PAPOLA: variants seen among roughly 807,000 people sequenced by gnomAD.
The protein encoded by PAPOLA is poly(A) polymerase alpha.
A neutral mutation model predicts 100.6 loss-of-function variants in PAPOLA; 15 were observed. The observed-to-expected ratio is 0.15, with a 90% CI of 0.10 to 0.23. The LOEUF is 0.23. Among genes scored for constraint, PAPOLA ranks in the 10% least tolerant of loss-of-function variants. The pLI, the probability that PAPOLA is intolerant of heterozygous loss-of-function variation, is 1.00. For missense variants in PAPOLA, 533 were observed against 884.2 expected (o/e 0.60, Z 5.04); for synonymous variants, 293 against 300.0 (o/e 0.98, Z 0.24).
At position 96,520,196 on chromosome 14, in the gene PAPOLA, G is replaced by A. The variant is rs372537982; in HGVS notation, c.150G>A (p.Gly50=). 1.2e-6 allele frequency: 2 copies of A among 1,613,422 alleles called. No individual in the cohort carries two copies. Among genetic ancestry groups the A allele is most frequent in the Non-Finnish European group, 1.7e-6 (2 of 1,179,802 alleles). The stretch of plus-strand genomic sequence containing the variant: ...TAATTGAGACATTGAAACCCTTTGG[G>A]GTTTTTGAAGAGGAAGAGGAACTGC... ...QKLIETLKPF[G]VFEEEEELQR... is the part of the protein sequence containing the mutation. Residue 50 remains glycine (G), a synonymous_variant, in exon 2 of 22, where the codon GGG becomes GGA. Transcript: ENST00000216277.
chr14:96,531,506 A>C lies in PAPOLA; in HGVS notation c.527A>C (p.Gln176Pro). 6.2e-7 allele frequency: 1 copy of C among 1,610,886 alleles called. No homozygotes were observed. Among genetic ancestry groups the C allele is most frequent in the Non-Finnish European group, 8.5e-7 (1 of 1,177,766 alleles). ...ATTTTGTTTGCAAGATTAGCACTGC[A>C]GACAATTCCTGAAGATTTGGATCTA... is the stretch of plus-strand genomic sequence containing the variant. ...IDILFARLAL[Q>P]TIPEDLDLRD... The change falls in exon 7 of 22, where the codon CAG (glutamine) becomes CCG (proline). Residue 176 changes from glutamine (Q) to proline (P), a missense_variant. This residue lies in a region of PAPOLA where 33 missense variants were observed against 39.2 expected (regional missense o/e 0.84). Coordinates refer to ENST00000216277, the MANE Select transcript of PAPOLA (RefSeq NM_032632.5).
chr14:96,558,000 C>T (rs765427431), intron 19 of PAPOLA, among the ~76,000 whole-genome samples: 55 of 152,000 alleles, frequency 3.6e-4, no homozygotes, highest in Non-Finnish European at 7.1e-4. Flanking sequence ...TGGTTGAATT[C>T]GCAGATATGG....
In PAPOLA at chr14:96,502,451, G is replaced by C. The variant is rs762085883; in HGVS notation, c.-142G>C. The C allele has an allele frequency of 7.0e-6, 5 of 709,888 alleles. No individual in the cohort carries two copies. Among genetic ancestry groups the C allele is most frequent in the African/African-American group, 1.8e-5 (1 of 55,558 alleles). The allele number at this position is 709,888 out of a possible 1,614,324, so 44.0% of individuals were successfully genotyped here. A position where few individuals can be genotyped will look rare whatever the true frequency, so the allele number is the denominator to read the frequency against. ...GGGAAGGAGGAGAAGCGCTTAAAGC[G>C]GCGGGAGCGGTGCGGGAGAGGGGTT... On this transcript the variant is annotated 5_prime_UTR_variant, in exon 1 of 22. Transcript: ENST00000216277.
intron 16 of PAPOLA, among the ~76,000 whole-genome samples, chr14:96,549,813 T>C (rs1900691245): frequency 6.6e-6 from 1 of 152,202 alleles, no homozygotes; most frequent in South Asian, 2.1e-4. Context: ...TATTAATAGG[T>C]TAAATCAATT....
intron 16 of PAPOLA, 101 bp downstream of exon 16, chr14:96,548,019 A>G: frequency 1.0e-6 from 1 of 993,438 alleles, no homozygotes; most frequent in Non-Finnish European, 1.5e-6. Context: ...AAGTCATTTT[A>G]AATAGATGAC....
At chr14:96,519,036 G>A (rs1897718947) in intron 1 of PAPOLA, among the ~76,000 whole-genome samples, 1 of 152,038 alleles carries the variant, frequency 6.6e-6, no homozygotes, top group Non-Finnish European at 1.5e-5. Flanking sequence ...CAGCCTGGGT[G>A]ACAGAGCGAG....
At chr14:96,510,555 G>GTAA (rs1897045914) in intron 1 of PAPOLA, among the ~76,000 whole-genome samples, 1 of 152,126 alleles carries the variant, frequency 6.6e-6, no homozygotes, top group African/African-American at 2.4e-5. Context: ...GGCCATTGTA[G>GTAA]TAATTGAACA....
chr14:96,552,056 A>G (rs1900886484), intron 16 of PAPOLA, among the ~76,000 whole-genome samples: 1 of 152,164 alleles, frequency 6.6e-6, no homozygotes, highest in Middle Eastern at 3.2e-3. Flanking sequence ...AGAAATCTAT[A>G]TGTAAACAAA....
chr14:96,515,051 A>G (rs1452676291), intron 1 of PAPOLA, among the ~76,000 whole-genome samples: 1 of 152,206 alleles, frequency 6.6e-6, no homozygotes, highest in Non-Finnish European at 1.5e-5. Flanking sequence ...AGTAATATGC[A>G]TGGTGGAACC....
At chr14:96,541,457 G>T (rs1899982717) in intron 12 of PAPOLA, among the ~76,000 whole-genome samples, 1 of 152,126 alleles carries the variant, frequency 6.6e-6, no homozygotes, top group Admixed American at 6.6e-5. Flanking sequence ...TCTAAAATGG[G>T]TACTGTAGAA....
intron 1 of PAPOLA, among the ~76,000 whole-genome samples, chr14:96,509,473 C>T (rs2140228192): frequency 6.6e-6 from 1 of 152,224 alleles, no homozygotes; most frequent in South Asian, 2.1e-4. Flanking sequence ...ATAGTGTATA[C>T]TTGTAGTATA....
At chr14:96,550,623 A>G (rs1453552104) in intron 16 of PAPOLA, among the ~76,000 whole-genome samples, 1 of 152,146 alleles carries the variant, frequency 6.6e-6, no homozygotes, top group African/African-American at 2.4e-5. Flanking sequence ...TAAACTTGCT[A>G]TTTTGTGACC....
At chr14:96,535,857 G>C in intron 10 of PAPOLA, 22 bp from the exon 11 acceptor site, 1 of 1,529,356 alleles carries the variant, frequency 6.5e-7, no homozygotes, top group Non-Finnish European at 8.8e-7. Context: ...TGAAGAAACT[G>C]ATTGGCTGTT....
At chr14:96,534,667 G>A in intron 10 of PAPOLA, 104 bp downstream of exon 10, 1 of 1,579,378 alleles carries the variant, frequency 6.3e-7, no homozygotes, top group Admixed American at 1.8e-5. Context: ...CTTATGAATG[G>A]TCATGTCCGT....
At chr14:96,513,655 T>C (rs535669502) in intron 1 of PAPOLA, among the ~76,000 whole-genome samples, 5 of 152,348 alleles carry the variant, frequency 3.3e-5, no homozygotes, top group African/African-American at 9.6e-5. Context: ...GTTTTTTGTC[T>C]TTCATTCTTA....
chr14:96,505,114 G>A (rs564879555), intron 1 of PAPOLA, among the ~76,000 whole-genome samples: 1 of 152,286 alleles, frequency 6.6e-6, no homozygotes, highest in African/African-American at 2.4e-5. Flanking sequence ...GCTTCTGAAA[G>A]TTTTGATAGT....
chr14:96,503,982 C>G (rs1896531411), intron 1 of PAPOLA, among the ~76,000 whole-genome samples: 1 of 152,128 alleles, frequency 6.6e-6, no homozygotes, highest in South Asian at 2.1e-4. Context: ...GTTTGTTAGA[C>G]TTAACTAACT....
At chr14:96,528,924 G>T (rs562074873) in intron 6 of PAPOLA, among the ~76,000 whole-genome samples, 2 of 152,078 alleles carry the variant, frequency 1.3e-5, no homozygotes, top group Non-Finnish European at 2.9e-5. Context: ...TTAAGTAAAC[G>T]TAAAAATAAT....
rs1362695111 is a variant in PAPOLA at position 96,522,108 on chromosome 14, CTTTCTTTCTTT to C, written c.249+1040_249+1050del. ...ATGAGCCACTGCATCTAGCCTCTTTCTTTCTTTCTTTTTTTTTTTTTTTTTTTTTTTTTGAG... is the reference window on the plus strand; with the variant it reads ...ATGAGCCACTGCATCTAGCCTCTTTCTTTTTTTTTTTTTTTTTTTTTTGAG... On this transcript the variant is annotated intron_variant, in intron 3 of 21. Coordinates refer to ENST00000216277, the MANE Select transcript of PAPOLA (RefSeq NM_032632.5). Among the ~76,000 whole-genome samples, 37 of 98,310 alleles carry C rather than the reference CTTTCTTTCTTT, an allele frequency of 3.8e-4. No individual in the cohort carries two copies. The South Asian group carries it at 0.015, about 40-fold the overall frequency. The allele number at this position is 98,310 out of a possible 152,430, so 64.5% of individuals were successfully genotyped here. A position where few individuals can be genotyped will look rare whatever the true frequency, so the allele number is the denominator to read the frequency against.
Sources: gnomAD v4.1 joint callset for allele counts (sites outside exome capture counted in the v4.1 genomes callset) on GRCh38, gnomAD v4.1.1 for gene constraint, gnomAD v4.1.1 regional missense constraint, MANE v1.5 for transcripts, NCBI Gene and HGNC (gene_info 2026-07-23, HGNC 2026-07-21) for gene names.